KCNK2: variants seen among roughly 807,000 people sequenced by gnomAD.
The protein encoded by KCNK2 is potassium two pore domain channel subfamily K member 2.
In KCNK2, 21 loss-of-function variants were observed where a neutral mutation model predicts 40.5. That is an observed-to-expected ratio of 0.52 (90% CI 0.37 to 0.75). KCNK2 has a LOEUF of 0.75. Ranked by LOEUF, KCNK2 falls within the 30% of genes least tolerant of loss-of-function variation. KCNK2 has a pLI of 0.00. For missense variants in KCNK2, 399 were observed against 531.6 expected (o/e 0.75, Z 2.45); for synonymous variants, 191 against 202.2 (o/e 0.94, Z 0.47).
intron 3 of KCNK2, among the ~76,000 whole-genome samples, chr1:215,161,761 C>G: frequency 6.6e-6 from 1 of 152,068 alleles, no homozygotes; most frequent in East Asian, 1.9e-4. Context: ...AGAACTCATC[C>G]TTTTTTATGG....
intron 5 of KCNK2, among the ~76,000 whole-genome samples, chr1:215,193,342 G>A (rs762771770): frequency 1.3e-5 from 2 of 151,918 alleles, no homozygotes; most frequent in Non-Finnish European, 2.9e-5. Flanking sequence ...CTTATCTTCT[G>A]CCCTGTTCTA....
chr1:215,206,307 A>G (rs944538453), intron 6 of KCNK2, among the ~76,000 whole-genome samples: 1 of 152,212 alleles, frequency 6.6e-6, no homozygotes, highest in East Asian at 1.9e-4. Context: ...ATACTCTTAT[A>G]TAATATTATT....
rs3838998 is a variant in KCNK2, at chr1:215,235,555, A to ATT, written c.*419_*420dup. ...TATGGACCATTTATGGATGACAACA[A>ATT]TTTTTTTTTTGTAAATGACAAGAAA... On this transcript the variant is annotated 3_prime_UTR_variant, in exon 7 of 7. Coordinates refer to ENST00000444842, the MANE Select transcript of KCNK2 (RefSeq NM_001017425.3). The ATT allele has an allele frequency of 1.8e-4, 28 of 154,024 alleles. No homozygotes were observed. The highest frequency in any genetic ancestry group is 1.0e-3 in the South Asian group (5 of 4,842). The allele number at this position is 154,024 out of a possible 1,614,324, so 9.5% of individuals were successfully genotyped here.
intron 6 of KCNK2, among the ~76,000 whole-genome samples, chr1:215,202,316 G>T (rs1456784245): frequency 6.6e-6 from 1 of 152,120 alleles, no homozygotes; most frequent in African/African-American, 2.4e-5. Context: ...TTCATCTGCT[G>T]GTCAATGTTG....
chr1:215,088,703 T>A (rs1344789582), intron 2 of KCNK2, among the ~76,000 whole-genome samples: 1 of 152,194 alleles, frequency 6.6e-6, no homozygotes, highest in African/African-American at 2.4e-5. Context: ...AACTTGAAGG[T>A]CATGGCAGGT....
intron 1 of KCNK2, among the ~76,000 whole-genome samples, chr1:215,048,804 T>C (rs1657877973): frequency 1.3e-5 from 2 of 152,196 alleles, no homozygotes; most frequent in African/African-American, 4.8e-5. Flanking sequence ...CATCCCAGCC[T>C]GGACATGCAT....
Position 215,023,213 on chromosome 1 carries a change from AT to A in KCNK2, c.34+17266del, listed in dbSNP as rs113065585. On this transcript the variant is annotated intron_variant, in intron 1 of 6. Transcript: ENST00000391895. ...TTCTCTAAGGCTTGTTATTATTATT[AT>A]TTTTTTTGTATCTTTTTTTCCTGTA... Among the ~76,000 whole-genome samples the A allele has an allele frequency of 2.0e-3, 302 of 151,928 alleles. 1 individual carries two copies. Among genetic ancestry groups the A allele is most frequent in the African/African-American group, 6.7e-3 (276 of 41,386 alleles).
intron 1 of KCNK2, among the ~76,000 whole-genome samples, chr1:215,018,641 G>A (rs1286443669): frequency 6.6e-6 from 1 of 152,166 alleles, no homozygotes; most frequent in East Asian, 1.9e-4. Context: ...TATGAAGATG[G>A]AAGAATTCAG....
chr1:215,188,249 C>G (rs1556905), intron 5 of KCNK2, among the ~76,000 whole-genome samples: 1 of 151,954 alleles, frequency 6.6e-6, no homozygotes, highest in Non-Finnish European at 1.5e-5. Context: ...GTGCTCCCTC[C>G]TATAGAGGTA....
At chr1:215,130,881 G>A (rs1053084300) in intron 3 of KCNK2, among the ~76,000 whole-genome samples, 7 of 151,680 alleles carry the variant, frequency 4.6e-5, no homozygotes, top group Non-Finnish European at 1.0e-4. Context: ...TTATTTTTGA[G>A]ACGGAGTCCC....
chr1:215,145,816 C>T (rs1662390494), intron 3 of KCNK2, among the ~76,000 whole-genome samples: 1 of 152,054 alleles, frequency 6.6e-6, no homozygotes, highest in South Asian at 2.1e-4. Flanking sequence ...TTTCAATACA[C>T]AGGAAAACTT....
intron 5 of KCNK2, among the ~76,000 whole-genome samples, chr1:215,191,155 G>A (rs761642716): frequency 7.2e-5 from 11 of 151,814 alleles, no homozygotes; most frequent in Non-Finnish European, 1.5e-4. Context: ...CGTGGTGGCA[G>A]GTGCCTGTAT....
At chr1:215,018,772 C>T (rs955943549) in intron 1 of KCNK2, among the ~76,000 whole-genome samples, 1 of 152,084 alleles carries the variant, frequency 6.6e-6, no homozygotes, top group African/African-American at 2.4e-5. Flanking sequence ...TCTTTCAATT[C>T]TAAACATAAT....
At chr1:215,123,802 G>A (rs1355016335) in intron 2 of KCNK2, among the ~76,000 whole-genome samples, 1 of 152,072 alleles carries the variant, frequency 6.6e-6, no homozygotes, top group Non-Finnish European at 1.5e-5. Flanking sequence ...TCTGTAATCT[G>A]TCTCTCTTCT....
chr1:215,083,372 A>T lies in KCNK2; in HGVS notation c.-14A>T. ...CCGTCTTTTTCAAAAAACATTTTGA[A>T]TGCTGCATGCCTCATGCTTCCCAGC... is the stretch of plus-strand genomic sequence containing the variant. On this transcript the variant is annotated 5_prime_UTR_variant, in exon 1 of 7. The change abolishes an upstream ATG in the 5' untranslated region. Coordinates refer to ENST00000444842, the MANE Select transcript of KCNK2 (RefSeq NM_001017425.3). 1.2e-6 allele frequency: 2 copies of T among 1,614,114 alleles called. No individual in the cohort carries two copies. Among genetic ancestry groups the T allele is most frequent in the Non-Finnish European group, 1.7e-6 (2 of 1,180,002 alleles).
intron 5 of KCNK2, among the ~76,000 whole-genome samples, chr1:215,181,598 G>A (rs530366940): frequency 4.0e-5 from 6 of 151,704 alleles, no homozygotes; most frequent in Non-Finnish European, 7.4e-5. Flanking sequence ...CTTTTTACAC[G>A]GGGTGTGACT....
chr1:215,214,302 T>G (rs553902500), intron 6 of KCNK2, among the ~76,000 whole-genome samples: 32 of 152,010 alleles, frequency 2.1e-4, no homozygotes, highest in South Asian at 1.9e-3. Flanking sequence ...GCTACACACT[T>G]TTAAACAACC....
rs559759751 is a variant in KCNK2 at position 215,071,530 on chromosome 1, T to C, written c.35-14838T>C. On this transcript the variant is annotated intron_variant, in intron 1 of 6. Transcript: ENST00000391895. ...TTGCAGGACTAGAAACACATCCCCATCTGAAGCATCTAGTAGTGTTGCAGA... is the reference window on the plus strand; with the variant it reads ...TTGCAGGACTAGAAACACATCCCCACCTGAAGCATCTAGTAGTGTTGCAGA... Among the ~76,000 whole-genome samples, 81 of 152,216 alleles carry C rather than the reference T, an allele frequency of 5.3e-4. 1 individual carries two copies. Among genetic ancestry groups the C allele is most frequent in the African/African-American group, 1.8e-3 (76 of 41,544 alleles).
intron 5 of KCNK2, among the ~76,000 whole-genome samples, chr1:215,173,431 C>T (rs529901529): frequency 0.013 from 1,929 of 152,166 alleles, 34 homozygotes; most frequent in African/African-American, 0.042. Context: ...AATAAATATA[C>T]ATGTGCATGT....
Sources: allele counts gnomAD v4.1 joint callset (sites outside exome capture counted in the v4.1 genomes callset), GRCh38; gene constraint gnomAD v4.1.1; transcripts MANE v1.5; gene names NCBI Gene and HGNC (gene_info 2026-07-23, HGNC 2026-07-21).